GALNT2: variants seen among roughly 807,000 people sequenced by gnomAD.
GALNT2 encodes UDP-GalNAc:polypeptide N-acetylgalactosaminyltransferase 2.
In GALNT2, 31 loss-of-function variants were observed where a neutral mutation model predicts 81.4. The observed-to-expected ratio is 0.38, with a 90% CI of 0.29 to 0.51. The LOEUF is 0.51. Ranked by LOEUF, GALNT2 falls within the 20% of genes least tolerant of loss-of-function variation. The probability of loss-of-function intolerance (pLI) is 0.87; values close to 1 mark genes in which losing one functional copy is unlikely to be tolerated. For missense variants in GALNT2, 629 were observed against 765.7 expected (o/e 0.82, Z 2.11); for synonymous variants, 303 against 287.4 (o/e 1.05, Z -0.55).
At chr1:230,254,256 A>G (rs901675) in intron 10 of GALNT2, among the ~76,000 whole-genome samples, 119,530 of 152,146 alleles carry the variant, frequency 0.79, 47,464 homozygotes, top group East Asian at 0.94. Context: ...CACAAAAGGC[A>G]CACCAGTCAG....
At chr1:230,207,604 C>CT (rs1664102501) in intron 3 of GALNT2, among the ~76,000 whole-genome samples, 1 of 149,438 alleles carries the variant, frequency 6.7e-6, no homozygotes. Context: ...TTTTTTTTTT[C>CT]TTTTCTTTCT....
chr1:230,135,201 G>C (rs368004868), intron 1 of GALNT2, among the ~76,000 whole-genome samples: 1 of 152,038 alleles, frequency 6.6e-6, no homozygotes, highest in Non-Finnish European at 1.5e-5. Context: ...TGACTCTCAT[G>C]GGGGGTGAGA....
At chr1:230,244,812 T>C (rs560136291) in intron 7 of GALNT2, among the ~76,000 whole-genome samples, 13 of 152,348 alleles carry the variant, frequency 8.5e-5, no homozygotes, top group East Asian at 1.9e-4. Flanking sequence ...TACTTTTCCC[T>C]GTAGATTTGC....
chr1:230,099,726 GCC>G (rs1660347802), intron 1 of GALNT2, among the ~76,000 whole-genome samples: 1 of 152,204 alleles, frequency 6.6e-6, no homozygotes, highest in African/African-American at 2.4e-5. Flanking sequence ...GTGGTGTGCT[GCC>G]CACCAGGCAT....
chr1:230,267,431 T>G (rs1666066739), intron 14 of GALNT2, among the ~76,000 whole-genome samples: 1 of 152,202 alleles, frequency 6.6e-6, no homozygotes. Context: ...CCATGTTTAA[T>G]CACTGGGCTT....
intron 3 of GALNT2, among the ~76,000 whole-genome samples, chr1:230,213,862 C>A (rs528083600): frequency 6.6e-6 from 1 of 152,326 alleles, no homozygotes; most frequent in Admixed American, 6.5e-5. Flanking sequence ...TTACCTTCAG[C>A]CCTTTGTGCT....
intron 1 of GALNT2, among the ~76,000 whole-genome samples, chr1:230,103,864 C>G (rs1476931366): frequency 1.3e-5 from 2 of 152,152 alleles, no homozygotes; most frequent in Non-Finnish European, 2.9e-5. Flanking sequence ...TCCTCCCCTT[C>G]TCCTAGTCAT....
At chr1:230,067,633 C>T (rs555430384) in intron 1 of GALNT2, among the ~76,000 whole-genome samples, 23 of 152,216 alleles carry the variant, frequency 1.5e-4, no homozygotes, top group African/African-American at 5.3e-4. Flanking sequence ...TTTCTCTGCC[C>T]CCTCTCGTGG....
At chr1:230,175,241 T>C (rs1490066394) in intron 1 of GALNT2, among the ~76,000 whole-genome samples, 1 of 152,190 alleles carries the variant, frequency 6.6e-6, no homozygotes, top group Non-Finnish European at 1.5e-5. Flanking sequence ...AGATGAATGG[T>C]TAGTACAATG....
chr1:230,129,089 T>G (rs1307295674), intron 1 of GALNT2, among the ~76,000 whole-genome samples: 1 of 152,244 alleles, frequency 6.6e-6, no homozygotes, highest in East Asian at 1.9e-4. Flanking sequence ...TATTTCGGGC[T>G]CTCTCATAAT....
At chr1:230,255,110 C>A in intron 10 of GALNT2, 108 bp from the exon 11 acceptor site, 3 of 1,493,164 alleles carry the variant, frequency 2.0e-6, no homozygotes, top group Non-Finnish European at 2.8e-6. Flanking sequence ...GGCATGGGAG[C>A]CCCATGATGG....
chr1:230,229,566 C>T (rs548896088), intron 3 of GALNT2, among the ~76,000 whole-genome samples: 1 of 152,216 alleles, frequency 6.6e-6, no homozygotes, highest in East Asian at 1.9e-4. Context: ...GACCAGTAGT[C>T]CTACTTGTGG....
intron 1 of GALNT2, among the ~76,000 whole-genome samples, chr1:230,083,468 T>TTGGGATGATGGAGCAGGGGGC (rs986697854): frequency 7.4e-6 from 1 of 135,542 alleles, no homozygotes; most frequent in Non-Finnish European, 1.6e-5. Context: ...GAGCAGACAG[T>TTGGGATGATGGAGCAGGGGGC]TGGGATGATG....
intron 3 of GALNT2, among the ~76,000 whole-genome samples, chr1:230,220,717 G>A (rs1664521035): frequency 6.6e-6 from 1 of 152,122 alleles, no homozygotes; most frequent in South Asian, 2.1e-4. Flanking sequence ...TCAAACGAAG[G>A]TACTTTTGTT....
At chr1:230,166,572 CG>C (rs1332546714) in intron 1 of GALNT2, among the ~76,000 whole-genome samples, 46 of 152,234 alleles carry the variant, frequency 3.0e-4, no homozygotes, top group African/African-American at 1.1e-3. Context: ...CAGTGGACTC[CG>C]GGGATTCAGT....
chr1:230,175,068 T>C (rs1662919246), intron 1 of GALNT2, among the ~76,000 whole-genome samples: 1 of 152,170 alleles, frequency 6.6e-6, no homozygotes. Flanking sequence ...GAGCTGACTT[T>C]CTTAATACCA....
At chr1:230,249,499 C>T (rs1422217754) in intron 9 of GALNT2, among the ~76,000 whole-genome samples, 1 of 152,214 alleles carries the variant, frequency 6.6e-6, no homozygotes, top group Non-Finnish European at 1.5e-5. Flanking sequence ...TAAGGCCTAT[C>T]TGCTAGGTCT....
At chr1:230,234,425 G>C (rs945010000) in intron 3 of GALNT2, among the ~76,000 whole-genome samples, 57 of 152,172 alleles carry the variant, frequency 3.7e-4, no homozygotes, top group African/African-American at 1.3e-3. Flanking sequence ...AAGATTTTCT[G>C]CTGCTTCAAT....
At chr1:230,276,545 G>C (rs975404468) in intron 15 of GALNT2, among the ~76,000 whole-genome samples, 1 of 152,162 alleles carries the variant, frequency 6.6e-6, no homozygotes, top group African/African-American at 2.4e-5. Flanking sequence ...ACCAAGGCCA[G>C]GACCGAGTCC....
Sources: gnomAD v4.1 joint callset for allele counts (sites outside exome capture counted in the v4.1 genomes callset) on GRCh38, gnomAD v4.1.1 for gene constraint, MANE v1.5 for transcripts, NCBI Gene and HGNC (gene_info 2026-07-23, HGNC 2026-07-21) for gene names.